The following UNC5A variants were observed in gnomAD, a reference collection of about 807,000 sequenced individuals.
The protein encoded by UNC5A is netrin receptor UNC5A.
Under a neutral mutation model 87.4 loss-of-function variants are expected in UNC5A, and 20 were observed. The observed-to-expected ratio is 0.23, with a 90% CI of 0.16 to 0.33. The LOEUF is 0.33. Ranked by LOEUF, UNC5A falls within the 10% of genes least tolerant of loss-of-function variation. The pLI is 1.00. For missense variants in UNC5A, 844 were observed against 1,133.4 expected (o/e 0.74, Z 3.67); for synonymous variants, 438 against 482.3 (o/e 0.91, Z 1.20).
chr5:176,810,899 A>G lies in UNC5A; in HGVS notation c.70+79A>G, dbSNP rs1006161119. On this transcript the variant is annotated intron_variant, in intron 1 of 14. Transcript: ENST00000329542. This position sits in a 1 kb window ranked among gnomAD's most constrained non-coding sequence, Gnocchi z 7.3. ...ACGCTCGCTGCTCTGGGGGTCCCTG[A>G]CCAGCGCTGCCAGACCCGGCTGGGA... The G allele has an allele frequency of 9.5e-6, 11 of 1,159,546 alleles. No homozygotes were observed. Among genetic ancestry groups the G allele is most frequent in the Non-Finnish European group, 1.2e-5 (11 of 936,798 alleles). 71.8% of individuals were successfully genotyped at this position (1,159,546 alleles called of 1,614,324 possible).
intron 1 of UNC5A, among the ~76,000 whole-genome samples, chr5:176,846,697 C>T (rs1400917392): frequency 1.3e-5 from 2 of 152,182 alleles, no homozygotes; most frequent in African/African-American, 4.8e-5. Flanking sequence ...TAGAGAGGGG[C>T]CAGGCCTGGT....
chr5:176,811,606 A>G (rs1561633996), intron 1 of UNC5A, among the ~76,000 whole-genome samples: 1 of 152,024 alleles, frequency 6.6e-6, no homozygotes, highest in Non-Finnish European at 1.5e-5. Flanking sequence ...TTCCCTTGGG[A>G]GGGGCTTGGG....
intron 1 of UNC5A, among the ~76,000 whole-genome samples, chr5:176,812,628 G>A (rs1281372403): frequency 6.6e-6 from 1 of 152,180 alleles, no homozygotes; most frequent in Non-Finnish European, 1.5e-5. Context: ...TCCTCAGGAG[G>A]CTGTGGGGGT....
intron 1 of UNC5A, among the ~76,000 whole-genome samples, chr5:176,829,930 A>C (rs181258373): frequency 2.4e-5 from 3 of 124,682 alleles, no homozygotes; most frequent in East Asian, 5.2e-4. Flanking sequence ...ACTGGAGTAC[A>C]GTGGCGTGAT....
intron 1 of UNC5A, among the ~76,000 whole-genome samples, chr5:176,850,429 C>CG (rs1757515322): frequency 6.9e-6 from 1 of 145,848 alleles, no homozygotes; most frequent in African/African-American, 2.5e-5. Flanking sequence ...GTGGTGGGGC[C>CG]GGGGGTGGAG....
In UNC5A at chr5:176,872,903, G is replaced by A. The variant is rs1322265835; in HGVS notation, c.887-1065G>A. On this transcript the variant is annotated intron_variant, in intron 6 of 14. Transcript: ENST00000329542. ...TGCCCACACCTGCCCCAACACCACA[G>A]CTTCCCATCTGCCCACACTCACCCA... Among the ~76,000 whole-genome samples the A allele has an allele frequency of 2.4e-3, 282 of 117,046 alleles. 1 individual carries two copies. The highest frequency in any genetic ancestry group is 9.5e-3 in the African/African-American group (263 of 27,818). 76.8% of individuals were successfully genotyped at this position (117,046 alleles called of 152,430 possible).
intron 1 of UNC5A, among the ~76,000 whole-genome samples, chr5:176,839,859 C>T (rs1308909743): frequency 6.8e-6 from 1 of 147,266 alleles, no homozygotes; most frequent in Non-Finnish European, 1.5e-5. Context: ...CTCTGTCGCC[C>T]AGGCTGGAAT....
At chr5:176,825,964 C>T (rs1756842291) in intron 1 of UNC5A, among the ~76,000 whole-genome samples, 1 of 152,226 alleles carries the variant, frequency 6.6e-6, no homozygotes, top group Admixed American at 6.5e-5. Context: ...GCCAGTGAGA[C>T]AGGACAGTCC....
intron 1 of UNC5A, among the ~76,000 whole-genome samples, chr5:176,857,088 C>A (rs997251142): frequency 6.6e-6 from 1 of 152,230 alleles, no homozygotes; most frequent in Non-Finnish European, 1.5e-5. Flanking sequence ...GCCTGAGCCC[C>A]GCTCCCTCGA....
intron 1 of UNC5A, among the ~76,000 whole-genome samples, chr5:176,812,219 G>A (rs576491742): frequency 5.9e-5 from 9 of 152,264 alleles, no homozygotes; most frequent in East Asian, 5.8e-4. Context: ...GTGCAGCTCC[G>A]CAGATGAGCA....
chr5:176,862,365 C>T (rs1757861811), intron 1 of UNC5A, among the ~76,000 whole-genome samples: 1 of 152,262 alleles, frequency 6.6e-6, no homozygotes, highest in South Asian at 2.1e-4. Context: ...GGTGCTGGGA[C>T]TCCGCCCAGG....
At chr5:176,819,984 C>T (rs1231790088) in intron 1 of UNC5A, among the ~76,000 whole-genome samples, 1 of 152,246 alleles carries the variant, frequency 6.6e-6, no homozygotes, top group East Asian at 1.9e-4. Flanking sequence ...CTGGCCAGGC[C>T]GGGCGCGGTG....
intron 1 of UNC5A, among the ~76,000 whole-genome samples, chr5:176,836,136 G>T (rs1757143560): frequency 6.6e-6 from 1 of 152,240 alleles, no homozygotes; most frequent in Non-Finnish European, 1.5e-5. Flanking sequence ...AGAATGGCCA[G>T]CAGGCTTTAG....
intron 6 of UNC5A, among the ~76,000 whole-genome samples, chr5:176,872,109 A>C (rs865949379): frequency 9.3e-5 from 5 of 54,026 alleles, no homozygotes; most frequent in Non-Finnish European, 1.5e-4. Flanking sequence ...GCCCACACTC[A>C]CCCCACACCA....
intron 1 of UNC5A, among the ~76,000 whole-genome samples, chr5:176,846,224 GCA>G (rs1367773502): frequency 6.6e-6 from 1 of 152,172 alleles, no homozygotes; most frequent in Non-Finnish European, 1.5e-5. Context: ...GCAGAACAGA[GCA>G]CAGAGGAGGG....
At chr5:176,864,747 C>G (rs1322103309) in intron 2 of UNC5A, 1 of 444,572 alleles carries the variant, frequency 2.2e-6, no homozygotes, top group Non-Finnish European at 4.5e-6. Flanking sequence ...TGCTCTGTGC[C>G]ATGCCTTGGG....
At chr5:176,864,768 G>A (rs745579874) in intron 2 of UNC5A, 1 of 453,648 alleles carries the variant, frequency 2.2e-6, no homozygotes, top group South Asian at 1.6e-5. Flanking sequence ...TTAGGTACTA[G>A]GAGTTATGCT....
intron 1 of UNC5A, among the ~76,000 whole-genome samples, chr5:176,829,156 A>AGATGGATG (rs70991573): frequency 8.2e-6 from 1 of 122,250 alleles, no homozygotes; most frequent in African/African-American, 3.5e-5. Flanking sequence ...AAAGAAAGAA[A>AGATGGATG]GATGGATGGA....
chr5:176,816,927 C>A (rs1342297243), intron 1 of UNC5A, among the ~76,000 whole-genome samples: 3 of 152,212 alleles, frequency 2.0e-5, no homozygotes, highest in Non-Finnish European at 4.4e-5. Context: ...TGGGGACAGG[C>A]CTGGCTTCCT....
Sources: gnomAD v4.1 joint callset for allele counts (sites outside exome capture counted in the v4.1 genomes callset) on GRCh38, gnomAD v4.1.1 for gene constraint, Gnocchi (gnomAD v3.1) non-coding constraint, MANE v1.5 for transcripts, NCBI Gene and HGNC (gene_info 2026-07-23, HGNC 2026-07-21) for gene names.